TJP1: variants seen among roughly 807,000 people sequenced by gnomAD.
TJP1 encodes the protein tight junction protein 1.
Under a neutral mutation model 194.2 loss-of-function variants are expected in TJP1, and 43 were observed. The observed-to-expected ratio is 0.22, with a 90% CI of 0.17 to 0.29. TJP1 has a LOEUF of 0.29. Among genes scored for constraint, TJP1 ranks in the 10% least tolerant of loss-of-function variants. The pLI is 1.00. For synonymous variants in TJP1, 801 were observed against 779.0 expected (o/e 1.03, Z -0.47); for missense variants, 1,971 against 2,185.7 (o/e 0.90, Z 1.96).
chr15:29,943,930 G>A (rs2055179478), intron 2 of TJP1, among the ~76,000 whole-genome samples: 2 of 151,642 alleles, frequency 1.3e-5, no homozygotes, highest in Admixed American at 6.6e-5. Flanking sequence ...CCTAGGTGAC[G>A]GAGCGAGACT....
rs1368917256 is a variant in TJP1 at position 29,745,294 on chromosome 15, A to C, written c.1011-2513T>G. ...AGTATAATCACGAGCTAATGGTCCC[A>C]AAATATTGAAAAAAAAAAAAAAACT... On this transcript the variant is annotated intron_variant, in intron 8 of 27. Transcript: ENST00000614355. Among the ~76,000 whole-genome samples, 5 of 77,504 alleles carry C rather than the reference A, an allele frequency of 6.5e-5. No individual in the cohort carries two copies. In the East Asian group the frequency reaches 1.7e-3, roughly 26 times the overall value. The allele number at this position is 77,504 out of a possible 152,430, so 50.8% of individuals were successfully genotyped here. A position where few individuals can be genotyped will look rare whatever the true frequency, so the allele number is the denominator to read the frequency against.
intron 1 of TJP1, among the ~76,000 whole-genome samples, chr15:29,961,661 G>A (rs543608920): frequency 5.1e-4 from 77 of 152,064 alleles, no homozygotes; most frequent in Non-Finnish European, 8.8e-4. Context: ...TACCCCTACC[G>A]GATGAACACA....
intron 13 of TJP1, 93 bp from the exon 14 acceptor site, chr15:29,732,908 A>T: frequency 7.7e-7 from 1 of 1,301,420 alleles, no homozygotes; most frequent in Non-Finnish European, 1.0e-6. Context: ...TACTGGATGG[A>T]AGTTCACATA....
At chr15:29,854,099 T>TA (rs1185364344) in intron 2 of TJP1, among the ~76,000 whole-genome samples, 1 of 152,040 alleles carries the variant, frequency 6.6e-6, no homozygotes, top group Non-Finnish European at 1.5e-5. Context: ...CCAAAGAAAA[T>TA]TACTTGGAAA....
chr15:29,761,877 A>G (rs1198062344), intron 6 of TJP1, 108 bp from the exon 7 acceptor site: 2 of 1,030,856 alleles, frequency 1.9e-6, no homozygotes, highest in Non-Finnish European at 1.3e-6. Flanking sequence ...ATGAAAACCA[A>G]AATATTCTCT....
At chr15:29,949,434 C>T (rs2055468570) in intron 2 of TJP1, among the ~76,000 whole-genome samples, 1 of 147,030 alleles carries the variant, frequency 6.8e-6, no homozygotes, top group Admixed American at 6.9e-5. Flanking sequence ...ACAACCACCA[C>T]CTCCACCTCC....
intron 2 of TJP1, among the ~76,000 whole-genome samples, chr15:29,886,109 G>A (rs900797936): frequency 6.6e-6 from 1 of 152,160 alleles, no homozygotes; most frequent in Non-Finnish European, 1.5e-5. Context: ...AACCAAACTG[G>A]ATGAGATGCC....
intron 4 of TJP1, 115 bp from the exon 5 acceptor site, chr15:29,766,657 A>G (rs2046349669): frequency 9.7e-7 from 1 of 1,027,512 alleles, no homozygotes; most frequent in East Asian, 2.8e-5. Context: ...AACCAGCAAG[A>G]AACAATACAC....
intron 8 of TJP1, among the ~76,000 whole-genome samples, chr15:29,745,478 G>A (rs900333405): frequency 2.6e-5 from 4 of 152,134 alleles, no homozygotes; most frequent in Admixed American, 1.3e-4. Context: ...TTTAGACTGG[G>A]GGAAGCCTTT....
chr15:29,702,252 A>C (rs957118876), intron 27 of TJP1, among the ~76,000 whole-genome samples: 2 of 152,174 alleles, frequency 1.3e-5, no homozygotes, highest in African/African-American at 4.8e-5. Flanking sequence ...CCCTTACAAA[A>C]AACAAGCAAA....
chr15:29,909,656 C>T (rs1667125741), intron 2 of TJP1, among the ~76,000 whole-genome samples: 1 of 152,054 alleles, frequency 6.6e-6, no homozygotes, highest in African/African-American at 2.4e-5. Flanking sequence ...ACTGGTTTCC[C>T]ACTGTGCAAA....
At chr15:29,891,484 C>T (rs1322635490) in intron 2 of TJP1, among the ~76,000 whole-genome samples, 1 of 152,202 alleles carries the variant, frequency 6.6e-6, no homozygotes, top group Non-Finnish European at 1.5e-5. Context: ...TATTGTGCTT[C>T]ACCTTATTGC....
In TJP1 at chr15:29,749,565, A is replaced by G. The variant is rs114797600; in HGVS notation, c.1011-6784T>C. ...ATGCTCCTGCAGTGCCCAGCATCCT[A>G]AAGTACTCGGTGGCCAGCAGCCTGC... On this transcript the variant is annotated intron_variant, in intron 8 of 27. Coordinates refer to ENST00000614355, the MANE Select transcript of TJP1 (RefSeq NM_001330239.4). Among the ~76,000 whole-genome samples the G allele has an allele frequency of 1.1e-3, 162 of 152,234 alleles. 1 individual carries two copies. Among genetic ancestry groups the G allele is most frequent in the African/African-American group, 3.8e-3 (157 of 41,542 alleles).
intron 1 of TJP1, among the ~76,000 whole-genome samples, chr15:29,804,668 A>C (rs901430453): frequency 2.0e-5 from 3 of 152,030 alleles, no homozygotes; most frequent in Non-Finnish European, 4.4e-5. Flanking sequence ...TTTAAAACTT[A>C]ATATCCTTAT....
chr15:29,891,989 T>C (rs2053326244), intron 2 of TJP1, among the ~76,000 whole-genome samples: 1 of 152,238 alleles, frequency 6.6e-6, no homozygotes, highest in African/African-American at 2.4e-5. Flanking sequence ...GAGGAAGCCA[T>C]GTCAAAAGAT....
intron 2 of TJP1, among the ~76,000 whole-genome samples, chr15:29,776,340 G>C (rs780136591): frequency 2.0e-5 from 3 of 152,118 alleles, no homozygotes; most frequent in Non-Finnish European, 4.4e-5. Context: ...CCGCTGAAGA[G>C]AAAACAAAGT....
intron 1 of TJP1, among the ~76,000 whole-genome samples, chr15:29,821,151 G>A (rs901819502): frequency 1.3e-5 from 2 of 152,112 alleles, no homozygotes; most frequent in Non-Finnish European, 2.9e-5. Context: ...AAAATGGGAG[G>A]AGCATCCTAG....
intron 18 of TJP1, among the ~76,000 whole-genome samples, chr15:29,722,079 A>G (rs1310156710): frequency 5.3e-5 from 8 of 152,232 alleles, no homozygotes; most frequent in Admixed American, 5.2e-4. Context: ...AGTTTGGAAA[A>G]TTTGCAGCCT....
At chr15:29,780,583 C>T (rs886730393) in intron 2 of TJP1, among the ~76,000 whole-genome samples, 25 of 152,068 alleles carry the variant, frequency 1.6e-4, no homozygotes, top group East Asian at 1.3e-3. Context: ...TGGAGACCTC[C>T]GCTCTACATA....
Sources: allele counts gnomAD v4.1 joint callset (sites outside exome capture counted in the v4.1 genomes callset), GRCh38; gene constraint gnomAD v4.1.1; transcripts MANE v1.5; gene names NCBI Gene and HGNC (gene_info 2026-07-23, HGNC 2026-07-21).